UGGT2: variants seen among roughly 807,000 people sequenced by gnomAD.
UGGT2 encodes UDP-glucose:glycoprotein glucosyltransferase 2.
In UGGT2, 180 loss-of-function variants were observed where a neutral mutation model predicts 192.1. The ratio of observed to expected loss-of-function variants is 0.94; its 90% confidence interval spans 0.83 to 1.06. The LOEUF (loss-of-function observed/expected upper bound fraction) is 1.06, where lower values mean the gene tolerates loss of function less well. Ranked by LOEUF, UGGT2 falls within the 50% of genes least tolerant of loss-of-function variation. UGGT2 has a pLI of 0.00. For synonymous variants in UGGT2, 580 were observed against 591.0 expected, an observed-to-expected ratio of 0.98 and a Z score of 0.27; for missense variants, 1,849 against 1,795.7, an observed-to-expected ratio of 1.03 and a Z score of -0.54.
chr13:95,967,475 TG>T lies in UGGT2; in HGVS notation c.1335+2636del, dbSNP rs771333700. On this transcript the variant is annotated intron_variant, in intron 12 of 38. Coordinates refer to ENST00000376747, the MANE Select transcript of UGGT2 (RefSeq NM_020121.4). ...CCCCCACGCGCACCCCCAACTTTTT[TG>T]TTTTTTTTTTTTTTTGAGATGGAGT... 2.1e-3 allele frequency among the ~76,000 whole-genome samples: 128 copies of T among 60,538 alleles called. 1 individual carries two copies. Among genetic ancestry groups the T allele is most frequent in the African/African-American group, 5.5e-3 (96 of 17,410 alleles). 39.7% of individuals were successfully genotyped at this position (60,538 alleles called of 152,430 possible). A position where few individuals can be genotyped will look rare whatever the true frequency, so the allele number is the denominator to read the frequency against.
chr13:95,856,077 CAACATGAATT>C (rs1193299360), intron 34 of UGGT2, 71 bp downstream of exon 34: 1 of 1,134,596 alleles, frequency 8.8e-7, no homozygotes, highest in Non-Finnish European at 1.2e-6. Flanking sequence ...TAAACATGAG[CAACATGAATT>C]AATCTCTATA....
At chr13:95,804,731 A>G (rs1027263844) in intron 38 of UGGT2, among the ~76,000 whole-genome samples, 8 of 152,308 alleles carry the variant, frequency 5.3e-5, no homozygotes, top group African/African-American at 1.4e-4. Context: ...GGCAAACTGG[A>G]TATCTACACA....
chr13:95,959,372 C>T (rs1406654784), intron 12 of UGGT2, among the ~76,000 whole-genome samples: 2 of 152,182 alleles, frequency 1.3e-5, no homozygotes, highest in Admixed American at 1.3e-4. Flanking sequence ...ACAGCTGCTG[C>T]TGCTGCCTCT....
chr13:95,842,404 T>C (rs1322431140), intron 36 of UGGT2, among the ~76,000 whole-genome samples: 1 of 152,232 alleles, frequency 6.6e-6, no homozygotes, highest in Non-Finnish European at 1.5e-5. Context: ...TGTGTATAAA[T>C]AATTCATTCC....
chr13:95,851,685 G>T (rs934194273), intron 36 of UGGT2, among the ~76,000 whole-genome samples: 3 of 152,188 alleles, frequency 2.0e-5, no homozygotes, highest in African/African-American at 7.2e-5. Flanking sequence ...AAGATATTTT[G>T]ATTTTACTGA....
intron 20 of UGGT2, among the ~76,000 whole-genome samples, chr13:95,923,780 AACTG>A (rs2048925740): frequency 6.6e-6 from 1 of 152,192 alleles, no homozygotes; most frequent in Non-Finnish European, 1.5e-5. Context: ...ATTTTGATAA[AACTG>A]TAAGTGATAA....
rs924215641 is a variant in UGGT2, at chr13:96,019,130, G to C, written c.485+3910C>G. ...AACTTTGCCCTACATAGCGGGGGGGGGGGGGGGGAATGTTTCTGTCAGGCT... is the reference window on the plus strand; with the variant it reads ...AACTTTGCCCTACATAGCGGGGGGGCGGGGGGGGAATGTTTCTGTCAGGCT... On this transcript the variant is annotated intron_variant, in intron 4 of 38. Coordinates refer to ENST00000376747, the MANE Select transcript of UGGT2 (RefSeq NM_020121.4). 2.0e-4 allele frequency among the ~76,000 whole-genome samples: 27 copies of C among 133,110 alleles called. 3 individuals carry two copies. Among genetic ancestry groups the C allele is most frequent in the East Asian group, 1.4e-3 (6 of 4,246 alleles). 87.3% of individuals were successfully genotyped at this position (133,110 alleles called of 152,430 possible).
chr13:96,005,854 A>G (rs559564485), intron 5 of UGGT2, among the ~76,000 whole-genome samples: 1 of 152,350 alleles, frequency 6.6e-6, no homozygotes, highest in Admixed American at 6.5e-5. Flanking sequence ...GGGGAGCTGT[A>G]CAAAGGGAAG....
rs1231173934 is a variant in UGGT2, at chr13:95,940,455, C to CTT, written c.1678-366_1678-365dup. Among the ~76,000 whole-genome samples, 269 of 125,344 alleles carry CTT rather than the reference C, an allele frequency of 2.1e-3. 1 individual carries two copies. The highest frequency in any genetic ancestry group is 6.8e-3 in the African/African-American group (232 of 33,994). 82.2% of individuals were successfully genotyped at this position (125,344 alleles called of 152,430 possible). A position where few individuals can be genotyped will look rare whatever the true frequency, so the allele number is the denominator to read the frequency against. ...GCTTTTCTGTAATTTTTTTCTTTTTCTTTTTTTTTTTTTTTTTTGAGACAG... is the reference window on the plus strand; with the variant it reads ...GCTTTTCTGTAATTTTTTTCTTTTTCTTTTTTTTTTTTTTTTTTTTGAGACAG... On this transcript the variant is annotated intron_variant, in intron 15 of 38. Transcript: ENST00000376747.
At chr13:95,809,268 G>T in intron 38 of UGGT2, 1 of 569,796 alleles carries the variant, frequency 1.8e-6, no homozygotes, top group South Asian at 1.4e-5. Context: ...GTACAAGAAG[G>T]GAGACAGGAA....
chr13:95,895,394 T>C, intron 22 of UGGT2, 90 bp from the exon 23 acceptor site: 1 of 834,136 alleles, frequency 1.2e-6, no homozygotes, highest in Non-Finnish European at 1.7e-6. Flanking sequence ...TATTTCTTTA[T>C]TAAGCAAAAA....
At chr13:95,809,568 T>C (rs1884478850) in intron 38 of UGGT2, 1 of 285,054 alleles carries the variant, frequency 3.5e-6, no homozygotes, top group South Asian at 3.7e-5. Context: ...CATGAGCTAC[T>C]CCTTCGCTGT....
chr13:96,023,659 T>C lies in UGGT2; in HGVS notation c.342A>G (p.Ala114=). The C allele has an allele frequency of 1.2e-6, 2 of 1,611,040 alleles. No individual in the cohort carries two copies. The highest frequency in any genetic ancestry group is 1.7e-6 in the Non-Finnish European group (2 of 1,178,044). ...NLLKFAFSIR[A]YSPAIQMFQQ... ...GAAACATCTGAATAGCTGGGGAGTA[T>C]GCCCTTATAGAGAAAGCAAACTTTA... The change falls in exon 3 of 39, where the codon GCA becomes GCG. Residue 114 remains alanine (A), a synonymous_variant. Transcript: ENST00000376747.
intron 38 of UGGT2, among the ~76,000 whole-genome samples, chr13:95,832,046 C>T (rs1372165853): frequency 6.5e-5 from 9 of 138,160 alleles, no homozygotes; most frequent in Admixed American, 2.9e-4. Flanking sequence ...TAAAGGAAAA[C>T]TTTTTTTTTT....
Position 96,012,596 on chromosome 13 carries a change from C to T in UGGT2, c.660+711G>A, listed in dbSNP as rs555917164. On this transcript the variant is annotated intron_variant, in intron 5 of 38. Coordinates refer to ENST00000376747, the MANE Select transcript of UGGT2 (RefSeq NM_020121.4). The stretch of plus-strand genomic sequence containing the variant: ...GCAAAGGCTACGGACAGGCAATTTA[C>T]AAATATATTTTTAAGGTTTTAATTA... 3.9e-5 allele frequency among the ~76,000 whole-genome samples: 6 copies of T among 152,010 alleles called. No individual in the cohort carries two copies. The South Asian group carries it at 1.2e-3, about 31-fold the overall frequency.
At chr13:95,877,395 G>A (rs1891805951) in intron 28 of UGGT2, 31 bp from the exon 29 acceptor site, 1 of 1,540,038 alleles carries the variant, frequency 6.5e-7, no homozygotes, top group South Asian at 1.2e-5. Flanking sequence ...TAATCATTGA[G>A]TAATATGACT....
chr13:95,997,353 T>C (rs2051656226), intron 6 of UGGT2, among the ~76,000 whole-genome samples: 1 of 152,106 alleles, frequency 6.6e-6, no homozygotes, highest in Non-Finnish European at 1.5e-5. Flanking sequence ...CAGACTGATA[T>C]ATTTATTAGT....
chr13:96,031,670 A>G (rs965223486), intron 2 of UGGT2, among the ~76,000 whole-genome samples: 10 of 152,152 alleles, frequency 6.6e-5, no homozygotes, highest in African/African-American at 2.2e-4. Context: ...AAACATGACT[A>G]ATTATATGAG....
At chr13:95,991,617 A>T (rs1594525430) in intron 7 of UGGT2, 2 of 209,506 alleles carry the variant, frequency 9.5e-6, no homozygotes, top group Admixed American at 1.0e-4. Flanking sequence ...CAAAATTGCT[A>T]TGATAATAAA....
Sources: gnomAD v4.1 joint callset for allele counts (sites outside exome capture counted in the v4.1 genomes callset) on GRCh38, gnomAD v4.1.1 for gene constraint, MANE v1.5 for transcripts, NCBI Gene and HGNC (gene_info 2026-07-23, HGNC 2026-07-21) for gene names.